The following LRRC1 variants were observed in gnomAD, a reference collection of about 807,000 sequenced individuals.
The protein encoded by LRRC1 is leucine-rich repeat-containing protein 1.
LRRC1 carries 28 observed loss-of-function variants against 69.9 expected under a neutral mutation model. The observed-to-expected ratio is 0.40, with a 90% CI of 0.30 to 0.55. The LOEUF is 0.55. Ranked by LOEUF, LRRC1 falls within the 20% of genes least tolerant of loss-of-function variation. The pLI is 0.47. For synonymous variants in LRRC1, 236 were observed against 240.2 expected (o/e 0.98, Z 0.16); for missense variants, 498 against 609.0 (o/e 0.82, Z 1.92).
At position 53,923,624 on chromosome 6, in the gene LRRC1, C is replaced by T. The variant is rs1352597891; in HGVS notation, c.*831C>T. ...GACTGCTAATATTTTATTCCTTACA[C>T]TTTTTTTCTGAATAAGTCTCTCATA... On this transcript the variant is annotated 3_prime_UTR_variant, in exon 14 of 14. Transcript: ENST00000370888. 1 of 152,610 alleles carries T rather than the reference C, an allele frequency of 6.6e-6. No individual in the cohort carries two copies. Among genetic ancestry groups the T allele is most frequent in the Non-Finnish European group, 1.5e-5 (1 of 68,036 alleles). The allele number at this position is 152,610 out of a possible 1,614,324, so 9.5% of individuals were successfully genotyped here. A position where few individuals can be genotyped will look rare whatever the true frequency, so the allele number is the denominator to read the frequency against.
chr6:53,899,673 A>G, intron 7 of LRRC1, 74 bp from the exon 8 acceptor site: 1 of 1,457,524 alleles, frequency 6.9e-7, no homozygotes, highest in Non-Finnish European at 9.3e-7. Flanking sequence ...TAATTGTGAA[A>G]AATCACTGGA....
rs368297792 is a variant in LRRC1, at chr6:53,795,794, C to G, written c.159+379C>G. Among the ~76,000 whole-genome samples, 474 of 152,332 alleles carry G rather than the reference C, an allele frequency of 3.1e-3. 5 individuals carry two copies. The highest frequency in any genetic ancestry group is 0.011 in the African/African-American group (445 of 41,566). ...AGCTACAGAGCACTGCATCCTCCCC[C>G]CCTCCACTCCCCGGGGTCGTTCCCC... On this transcript the variant is annotated intron_variant, in intron 1 of 13. Coordinates refer to ENST00000370888, the MANE Select transcript of LRRC1 (RefSeq NM_018214.5).
intron 1 of LRRC1, among the ~76,000 whole-genome samples, chr6:53,837,197 G>C (rs959020343): frequency 1.1e-5 from 1 of 89,350 alleles, no homozygotes; most frequent in Non-Finnish European, 2.5e-5. Flanking sequence ...TATATATTCT[G>C]GAAAAAATAT....
intron 4 of LRRC1, among the ~76,000 whole-genome samples, chr6:53,888,367 A>G (rs557577838): frequency 2.7e-4 from 41 of 152,332 alleles, no homozygotes; most frequent in African/African-American, 9.6e-4. Context: ...AAAACACAAA[A>G]AAGTATAAAA....
chr6:53,809,247 G>T (rs1041370181), intron 1 of LRRC1, among the ~76,000 whole-genome samples: 2 of 152,218 alleles, frequency 1.3e-5, no homozygotes, highest in Non-Finnish European at 2.9e-5. Context: ...AGGCTCTAAT[G>T]TGCTTTCTGG....
At chr6:53,879,528 C>T (rs1214276539) in intron 3 of LRRC1, among the ~76,000 whole-genome samples, 2 of 152,116 alleles carry the variant, frequency 1.3e-5, no homozygotes, top group African/African-American at 2.4e-5. Context: ...TCGTGATCCA[C>T]CCACCTCAGC....
chr6:53,873,630 T>TTGTATCCTG (rs1319100284), intron 2 of LRRC1, among the ~76,000 whole-genome samples: 1 of 152,132 alleles, frequency 6.6e-6, no homozygotes, highest in African/African-American at 2.4e-5. Flanking sequence ...TATGTTGAAT[T>TTGTATCCTG]TGTATCCTGT....
chr6:53,803,624 C>T (rs1163046982), intron 1 of LRRC1, among the ~76,000 whole-genome samples: 2 of 151,858 alleles, frequency 1.3e-5, no homozygotes, highest in Admixed American at 6.6e-5. Context: ...ATACGTTGGA[C>T]TCCTAAAATA....
chr6:53,815,801 CT>C (rs1293637294), intron 1 of LRRC1, among the ~76,000 whole-genome samples: 3 of 152,176 alleles, frequency 2.0e-5, no homozygotes, highest in African/African-American at 7.2e-5. Flanking sequence ...CCAATATGAT[CT>C]TGATCTTCCT....
chr6:53,881,221 T>C (rs955969128), intron 3 of LRRC1, among the ~76,000 whole-genome samples: 2 of 152,220 alleles, frequency 1.3e-5, no homozygotes, highest in African/African-American at 4.8e-5. Flanking sequence ...TTGCTTATTT[T>C]ATGGCTAAAG....
intron 1 of LRRC1, among the ~76,000 whole-genome samples, chr6:53,829,375 A>G (rs1054010561): frequency 2.0e-5 from 3 of 152,130 alleles, no homozygotes; most frequent in African/African-American, 7.2e-5. Flanking sequence ...TATTTTAGAG[A>G]TGTTCTTGTA....
intron 1 of LRRC1, among the ~76,000 whole-genome samples, chr6:53,805,940 C>G (rs1321971962): frequency 6.6e-6 from 1 of 152,246 alleles, no homozygotes; most frequent in East Asian, 1.9e-4. Context: ...CACCACCTCA[C>G]CTTCCCTCAG....
At chr6:53,802,393 T>C (rs1056045446) in intron 1 of LRRC1, among the ~76,000 whole-genome samples, 4 of 152,238 alleles carry the variant, frequency 2.6e-5, no homozygotes, top group Non-Finnish European at 4.4e-5. Context: ...TCCCATCTGC[T>C]GCTCTTTCTA....
At chr6:53,906,169 G>C (rs947720933) in intron 10 of LRRC1, among the ~76,000 whole-genome samples, 3 of 152,172 alleles carry the variant, frequency 2.0e-5, no homozygotes, top group African/African-American at 7.2e-5. Flanking sequence ...CATTTTACGA[G>C]TGAGGAAACG....
intron 1 of LRRC1, among the ~76,000 whole-genome samples, chr6:53,806,516 G>A (rs1423535154): frequency 4.6e-5 from 7 of 152,124 alleles, no homozygotes; most frequent in African/African-American, 1.7e-4. Context: ...CACTAGCATT[G>A]TGACCTTGGG....
chr6:53,912,577 A>T (rs550938739), intron 10 of LRRC1, among the ~76,000 whole-genome samples: 35 of 152,284 alleles, frequency 2.3e-4, no homozygotes, highest in African/African-American at 8.4e-4. Flanking sequence ...TTTCTTTTAT[A>T]TACATTATGG....
chr6:53,817,267 T>C (rs989357446), intron 1 of LRRC1, among the ~76,000 whole-genome samples: 1 of 152,182 alleles, frequency 6.6e-6, no homozygotes, highest in Non-Finnish European at 1.5e-5. Flanking sequence ...CTGAGCTCCT[T>C]GAGGGAAGGG....
intron 2 of LRRC1, among the ~76,000 whole-genome samples, chr6:53,857,236 A>G (rs1430006336): frequency 6.6e-6 from 1 of 152,198 alleles, no homozygotes. Flanking sequence ...TTGGAAAGGC[A>G]GATGAGCTTG....
chr6:53,813,696 C>T (rs1420115038), intron 1 of LRRC1, among the ~76,000 whole-genome samples: 1 of 152,130 alleles, frequency 6.6e-6, no homozygotes, highest in Non-Finnish European at 1.5e-5. Context: ...ACTCTGCGGG[C>T]TGCCTGTTTG....
Sources: gnomAD v4.1 joint callset for allele counts (sites outside exome capture counted in the v4.1 genomes callset) on GRCh38, gnomAD v4.1.1 for gene constraint, MANE v1.5 for transcripts, NCBI Gene and HGNC (gene_info 2026-07-23, HGNC 2026-07-21) for gene names.